GREM2: variants seen among roughly 807,000 people sequenced by gnomAD.
The protein encoded by GREM2 is gremlin 2, DAN family BMP antagonist.
In GREM2, 11 loss-of-function variants were observed where a neutral mutation model predicts 14.2. The ratio of observed to expected loss-of-function variants is 0.78; its 90% confidence interval spans 0.49 to 1.28. The LOEUF (loss-of-function observed/expected upper bound fraction) is 1.28. GREM2 is among the 50% of genes most tolerant of loss of function. GREM2 has a pLI of 0.00. For synonymous variants in GREM2, 98 were observed against 97.6 expected (o/e 1.00, Z -0.02); for missense variants, 210 against 218.5 (o/e 0.96, Z 0.24).
At chr1:240,601,972 C>T (rs376236421) in intron 1 of GREM2, among the ~76,000 whole-genome samples, 7 of 151,604 alleles carry the variant, frequency 4.6e-5, no homozygotes, top group Non-Finnish European at 8.8e-5. Context: ...ATAGTAAGTG[C>T]TCAATAAATC....
intron 1 of GREM2, among the ~76,000 whole-genome samples, chr1:240,609,863 T>G (rs191472037): frequency 2.6e-5 from 4 of 152,148 alleles, no homozygotes; most frequent in African/African-American, 9.7e-5. Context: ...TTTAAAGGCA[T>G]GTACCTTGTT....
chr1:240,582,548 C>T (rs1679505706), intron 1 of GREM2, among the ~76,000 whole-genome samples: 1 of 152,120 alleles, frequency 6.6e-6, no homozygotes, highest in South Asian at 2.1e-4. Context: ...ATAATCTCAG[C>T]ACTTTGGGAG....
chr1:240,586,032 A>C (rs2102860225), intron 1 of GREM2, among the ~76,000 whole-genome samples: 1 of 152,046 alleles, frequency 6.6e-6, no homozygotes, highest in Admixed American at 6.5e-5. Flanking sequence ...ACGATAGAAA[A>C]AAAAAAAAAG....
chr1:240,590,176 T>C (rs1679678973), intron 1 of GREM2, among the ~76,000 whole-genome samples: 1 of 152,204 alleles, frequency 6.6e-6, no homozygotes, highest in East Asian at 1.9e-4. Context: ...TCTTTTATTA[T>C]TAGATGCTAT....
At chr1:240,502,719 T>G (rs929415288) in intron 1 of GREM2, among the ~76,000 whole-genome samples, 1 of 152,204 alleles carries the variant, frequency 6.6e-6, no homozygotes, top group Non-Finnish European at 1.5e-5. Context: ...ACCAGAAAGT[T>G]GAATTTGAAC....
chr1:240,541,413 A>T (rs1176690964), intron 1 of GREM2, among the ~76,000 whole-genome samples: 1 of 152,210 alleles, frequency 6.6e-6, no homozygotes, highest in Admixed American at 6.5e-5. Context: ...CATTCTCTTT[A>T]GCCAAATTCT....
intron 1 of GREM2, among the ~76,000 whole-genome samples, chr1:240,513,363 T>C (rs1307721909): frequency 6.6e-6 from 1 of 151,314 alleles, no homozygotes; most frequent in African/African-American, 2.4e-5. Flanking sequence ...GATCGCGAGG[T>C]CAAGAGATCG....
chr1:240,577,688 T>G (rs1397753725), intron 1 of GREM2, among the ~76,000 whole-genome samples: 1 of 152,216 alleles, frequency 6.6e-6, no homozygotes, highest in Non-Finnish European at 1.5e-5. Context: ...GTTGAAGATG[T>G]TTTGGTTAAT....
At chr1:240,561,600 G>A (rs1252207817) in intron 1 of GREM2, among the ~76,000 whole-genome samples, 1 of 151,846 alleles carries the variant, frequency 6.6e-6, no homozygotes, top group Non-Finnish European at 1.5e-5. Flanking sequence ...TCATTTTAAT[G>A]CCTCGATAAG....
intron 1 of GREM2, among the ~76,000 whole-genome samples, chr1:240,593,290 A>G (rs1019794360): frequency 2.0e-5 from 3 of 152,144 alleles, no homozygotes; most frequent in Non-Finnish European, 4.4e-5. Flanking sequence ...TTTGCAGTCC[A>G]TTGTCACTTG....
intron 1 of GREM2, among the ~76,000 whole-genome samples, chr1:240,583,359 G>A (rs1230807445): frequency 6.6e-6 from 1 of 152,154 alleles, no homozygotes; most frequent in Admixed American, 6.5e-5. Flanking sequence ...GTGACAGATA[G>A]CTAATGACAA....
intron 1 of GREM2, among the ~76,000 whole-genome samples, chr1:240,568,327 C>T (rs989144259): frequency 2.0e-5 from 3 of 151,606 alleles, no homozygotes; most frequent in African/African-American, 7.3e-5. Flanking sequence ...AAAACAATAA[C>T]AAACAGTTAT....
chr1:240,573,959 G>A (rs143757272), intron 1 of GREM2, among the ~76,000 whole-genome samples: 1,821 of 152,172 alleles, frequency 0.012, 15 homozygotes, highest in Non-Finnish European at 0.019. Flanking sequence ...TCACACTCTC[G>A]CCCTGGCTGG....
At chr1:240,604,013 A>C (rs979304215) in intron 1 of GREM2, among the ~76,000 whole-genome samples, 1 of 151,288 alleles carries the variant, frequency 6.6e-6, no homozygotes, top group Non-Finnish European at 1.5e-5. Context: ...ACAGGCTTCC[A>C]CTCACGGCGA....
At chr1:240,564,507 C>CAA (rs35623408) in intron 1 of GREM2, among the ~76,000 whole-genome samples, 3,191 of 138,096 alleles carry the variant, frequency 0.023, 97 homozygotes, top group East Asian at 0.1. Context: ...GACCCTGTCT[C>CAA]AAAAAAAAAA....
rs1179201021 is a variant in GREM2 at position 240,563,218 on chromosome 1, TGAGTGTGCGTGA to T, written c.-2+48654_-2+48665del. On this transcript the variant is annotated intron_variant, in intron 1 of 1. Coordinates refer to ENST00000318160, the MANE Select transcript of GREM2 (RefSeq NM_022469.4). The stretch of plus-strand genomic sequence containing the variant: ...GAGTGTGTGTAAGTGAGTGTGTGTT[TGAGTGTGCGTGA>T]GAGTGTGTGTGTATGCACAGGAACA... Among the ~76,000 whole-genome samples, 24 of 151,252 alleles carry T rather than the reference TGAGTGTGCGTGA, an allele frequency of 1.6e-4. 1 individual carries two copies.
chr1:240,598,047 C>G (rs1166147606), intron 1 of GREM2, among the ~76,000 whole-genome samples: 1 of 152,194 alleles, frequency 6.6e-6, no homozygotes, highest in Non-Finnish European at 1.5e-5. Context: ...CAGTTCAACA[C>G]CACTGCAGTT....
chr1:240,514,697 G>A (rs374971505), intron 1 of GREM2, among the ~76,000 whole-genome samples: 9 of 152,288 alleles, frequency 5.9e-5, no homozygotes, highest in South Asian at 2.1e-4. Context: ...CCAGCAGCCC[G>A]AGACCAGCTT....
chr1:240,585,233 G>T (rs1472444560), intron 1 of GREM2, among the ~76,000 whole-genome samples: 3 of 152,104 alleles, frequency 2.0e-5, no homozygotes, highest in Middle Eastern at 3.4e-3. Context: ...AGGAAGGAAG[G>T]TCCCGAGGGT....
Sources: allele counts gnomAD v4.1 joint callset (sites outside exome capture counted in the v4.1 genomes callset), GRCh38; gene constraint gnomAD v4.1.1; transcripts MANE v1.5; gene names NCBI Gene and HGNC (gene_info 2026-07-23, HGNC 2026-07-21).